NRIP1: variants seen among roughly 807,000 people sequenced by gnomAD.
NRIP1 encodes nuclear receptor interacting protein 1, also known as nuclear receptor-interacting protein 1.
A neutral mutation model predicts 75.0 loss-of-function variants in NRIP1; 28 were observed. The observed-to-expected ratio is 0.37, with a 90% CI of 0.28 to 0.51. The LOEUF (loss-of-function observed/expected upper bound fraction) is 0.51. Among genes scored for constraint, NRIP1 ranks in the 20% least tolerant of loss-of-function variants. The pLI is 0.92. For missense variants in NRIP1, 1,435 were observed against 1,343.7 expected (o/e 1.07, Z -1.06); for synonymous variants, 526 against 487.6 (o/e 1.08, Z -1.04).
intron 3 of NRIP1, among the ~76,000 whole-genome samples, chr21:14,983,651 A>G (rs1365694298): frequency 2.0e-5 from 3 of 152,224 alleles, no homozygotes; most frequent in Admixed American, 6.5e-5. Flanking sequence ...AGAGAGGTCA[A>G]TATCTGGCTT....
At chr21:15,020,362 A>G (rs955659268) in intron 2 of NRIP1, among the ~76,000 whole-genome samples, 3 of 152,320 alleles carry the variant, frequency 2.0e-5, no homozygotes, top group African/African-American at 7.2e-5. Context: ...TTTTTAATAC[A>G]TGGTGCGGTA....
chr21:15,040,602 T>TA (rs906246143), intron 2 of NRIP1, among the ~76,000 whole-genome samples: 1 of 151,884 alleles, frequency 6.6e-6, no homozygotes, highest in African/African-American at 2.4e-5. Flanking sequence ...ATTCAACTAA[T>TA]AAAAAAAGCC....
intron 3 of NRIP1, among the ~76,000 whole-genome samples, chr21:15,011,439 T>A (rs1385343122): frequency 6.6e-6 from 1 of 152,158 alleles, no homozygotes; most frequent in Non-Finnish European, 1.5e-5. Context: ...TCCGCCCGCC[T>A]CGGCCTCTCA....
intron 3 of NRIP1, among the ~76,000 whole-genome samples, chr21:14,989,976 T>C (rs927475791): frequency 2.0e-5 from 3 of 152,068 alleles, no homozygotes; most frequent in Non-Finnish European, 2.9e-5. Flanking sequence ...TGAAAGAGAA[T>C]AGGTAGCTTA....
Position 14,964,173 on chromosome 21 carries a change from CTTTT to C in NRIP1, c.*539_*542del. ...TCTTCCAAGAGTTAAAAATAAACAC[CTTTT>C]TTTTTTCTTTTTAGCAAAAGTGAAA... On this transcript the variant is annotated 3_prime_UTR_variant, in exon 4 of 4. Coordinates refer to ENST00000318948, the MANE Select transcript of NRIP1 (RefSeq NM_003489.4). The C allele has an allele frequency of 6.6e-6, 1 of 151,336 alleles. No homozygotes were observed. The highest frequency in any genetic ancestry group is 2.1e-4 in the South Asian group (1 of 4,774). The allele number at this position is 151,336 out of a possible 1,614,324, so 9.4% of individuals were successfully genotyped here.
chr21:15,021,661 G>T (rs2088378864), intron 2 of NRIP1, among the ~76,000 whole-genome samples: 1 of 151,938 alleles, frequency 6.6e-6, no homozygotes, highest in African/African-American at 2.4e-5. Context: ...GCTGACAAAG[G>T]TCTCATATCC....
chr21:15,005,019 A>T (rs1385169262), intron 3 of NRIP1, among the ~76,000 whole-genome samples: 2 of 152,230 alleles, frequency 1.3e-5, no homozygotes, highest in East Asian at 3.8e-4. Flanking sequence ...CTTCTCCATG[A>T]AAAGTTTATC....
At chr21:14,975,607 G>C (rs1600818238) in intron 3 of NRIP1, among the ~76,000 whole-genome samples, 1 of 96,688 alleles carries the variant, frequency 1.0e-5, no homozygotes, top group African/African-American at 4.2e-5. Context: ...CTGCGTGACA[G>C]AATAAGACAC....
intron 3 of NRIP1, among the ~76,000 whole-genome samples, chr21:14,974,860 C>T (rs1053971893): frequency 6.6e-6 from 1 of 152,184 alleles, no homozygotes; most frequent in African/African-American, 2.4e-5. Context: ...GTAACTTCAG[C>T]ACTTTCAGAG....
chr21:15,001,976 C>T (rs182666777), intron 3 of NRIP1, among the ~76,000 whole-genome samples: 3 of 152,210 alleles, frequency 2.0e-5, no homozygotes, highest in East Asian at 1.9e-4. Context: ...TTCCCGGTGA[C>T]GCTTTCAGTA....
rs1014421631 is a variant in NRIP1 at position 14,961,569 on chromosome 21, T to C, written c.*3147A>G. On this transcript the variant is annotated 3_prime_UTR_variant, in exon 4 of 4. Coordinates refer to ENST00000318948, the MANE Select transcript of NRIP1 (RefSeq NM_003489.4). ...TTTATGTTTAAAAGTGGTTGACGAT[T>C]AAAAAAATTCTTTAAGACCCTTCGA... 1 of 152,382 alleles carries C rather than the reference T, an allele frequency of 6.6e-6. No homozygotes were observed. The highest frequency in any genetic ancestry group is 6.6e-5 in the Admixed American group (1 of 15,250). The allele number at this position is 152,382 out of a possible 1,614,324, so 9.4% of individuals were successfully genotyped here. A position where few individuals can be genotyped will look rare whatever the true frequency, so the allele number is the denominator to read the frequency against.
chr21:15,033,304 G>A (rs140733025), intron 2 of NRIP1, among the ~76,000 whole-genome samples: 128 of 150,576 alleles, frequency 8.5e-4, no homozygotes, highest in Admixed American at 2.3e-3. Flanking sequence ...TTCCTATATG[G>A]TAATTCTCAA....
intron 1 of NRIP1, among the ~76,000 whole-genome samples, chr21:15,052,726 A>G (rs1287426888): frequency 2.6e-5 from 4 of 152,204 alleles, no homozygotes; most frequent in Non-Finnish European, 4.4e-5. Flanking sequence ...GAATTCCAAA[A>G]AACACAATGA....
intron 3 of NRIP1, among the ~76,000 whole-genome samples, chr21:14,980,543 C>CT (rs1476287864): frequency 6.7e-6 from 1 of 150,088 alleles, no homozygotes; most frequent in Non-Finnish European, 1.5e-5. Flanking sequence ...AAAATCATGC[C>CT]TTTTGTTTTA....
In NRIP1 at chr21:15,022,762, A is replaced by C. The variant is rs549412055; in HGVS notation, c.-457-8296T>G. Among the ~76,000 whole-genome samples the C allele has an allele frequency of 2.0e-5, 3 of 152,336 alleles. No homozygotes were observed. The East Asian group carries it at 5.8e-4, about 29-fold the overall frequency. On this transcript the variant is annotated intron_variant, in intron 2 of 3. Coordinates refer to ENST00000318948, the MANE Select transcript of NRIP1 (RefSeq NM_003489.4). ...TAAGGGGAACAGACAGTTCCTTAAA[A>C]AGCAACATCAAGTTACGACGTGACC...
intron 3 of NRIP1, among the ~76,000 whole-genome samples, chr21:14,995,127 C>T (rs1015342888): frequency 6.8e-6 from 1 of 146,106 alleles, no homozygotes; most frequent in African/African-American, 2.4e-5. Context: ...ATGTAACTCA[C>T]ATTCATGCAG....
chr21:14,982,719 G>T (rs7510055), intron 3 of NRIP1, among the ~76,000 whole-genome samples: 3,071 of 129,952 alleles, frequency 0.024, 91 homozygotes, highest in African/African-American at 0.083. Flanking sequence ...TTTTTTTTTT[G>T]TTTTTTTTTT....
chr21:15,013,231 C>G (rs1313202183), intron 3 of NRIP1, among the ~76,000 whole-genome samples: 1 of 152,028 alleles, frequency 6.6e-6, no homozygotes. Context: ...TTTATGCAGT[C>G]TTTTAAAAAA....
intron 1 of NRIP1, among the ~76,000 whole-genome samples, chr21:15,060,140 T>C (rs2089393860): frequency 6.6e-6 from 1 of 152,128 alleles, no homozygotes; most frequent in Non-Finnish European, 1.5e-5. Context: ...GTGAGAAAAG[T>C]TAGTATAAAT....
Sources: allele counts gnomAD v4.1 joint callset (sites outside exome capture counted in the v4.1 genomes callset), GRCh38; gene constraint gnomAD v4.1.1; transcripts MANE v1.5; gene names NCBI Gene and HGNC (gene_info 2026-07-23, HGNC 2026-07-21).